The following IL17RA variants were observed in gnomAD, a reference collection of about 807,000 sequenced individuals.
IL17RA encodes the protein interleukin-17 receptor A.
In IL17RA, 34 loss-of-function variants were observed where a neutral mutation model predicts 50.4. The ratio of observed to expected loss-of-function variants is 0.67; its 90% confidence interval spans 0.51 to 0.90. The LOEUF (loss-of-function observed/expected upper bound fraction) is 0.90. Ranked by LOEUF, IL17RA falls within the 40% of genes least tolerant of loss-of-function variation. IL17RA has a pLI of 0.00. For missense variants in IL17RA, 1,276 were observed against 1,169.8 expected, an observed-to-expected ratio of 1.09 and a Z score of -1.32; for synonymous variants, 585 against 510.4, an observed-to-expected ratio of 1.15 and a Z score of -1.97.
At position 17,111,684 on chromosome 22, in the gene IL17RA, A is replaced by G. The variant is rs558585878; in HGVS notation, c.*1864A>G. Reference sequence around the variant, plus strand: ...ATTTCCAACCTCCAGTGAGGAGGAGAAGATTCGGAAATGTGACAGGAGAGC... The same window carrying G: ...ATTTCCAACCTCCAGTGAGGAGGAGGAGATTCGGAAATGTGACAGGAGAGC... On this transcript the variant is annotated 3_prime_UTR_variant, in exon 13 of 13. Transcript: ENST00000319363. 2.6e-5 allele frequency: 4 copies of G among 152,236 alleles called. No individual in the cohort carries two copies. Among genetic ancestry groups the G allele is most frequent in the African/African-American group, 9.6e-5 (4 of 41,538 alleles). 9.4% of individuals were successfully genotyped at this position (152,236 alleles called of 1,614,324 possible).
In IL17RA at chr22:17,104,728, C is replaced by G. The variant is rs769892740; in HGVS notation, c.849C>G (p.Ile283Met). 3 of 1,614,016 alleles carry G rather than the reference C, an allele frequency of 1.9e-6. No homozygotes were observed. In the Admixed American group the frequency reaches 5.0e-5, roughly 27 times the overall value. ...LKGCCRHQVQ[I>M]QPFFSSCLND... ...TTTCCTGCCCTCTCTGCCCGCAGAT[C>G]CAGCCCTTCTTCAGCAGCTGCCTCA... The change falls in exon 9 of 13, where the codon ATC becomes ATG. Residue 283 changes from isoleucine (I) to methionine (M), a missense_variant and splice_region_variant. Transcript: ENST00000319363.
chr22:17,091,449 G>T (rs1192231663), intron 1 of IL17RA, among the ~76,000 whole-genome samples: 1 of 152,144 alleles, frequency 6.6e-6, no homozygotes, highest in Non-Finnish European at 1.5e-5. Flanking sequence ...GGCCGAGGCG[G>T]GCGGATCACG....
At chr22:17,090,423 A>G (rs555053755) in intron 1 of IL17RA, among the ~76,000 whole-genome samples, 12 of 152,356 alleles carry the variant, frequency 7.9e-5, no homozygotes, top group Middle Eastern at 3.4e-3. Context: ...GCATTACATC[A>G]TAGATAAACT....
intron 6 of IL17RA, 37 bp from the exon 7 acceptor site, chr22:17,102,102 C>G: frequency 6.2e-7 from 1 of 1,614,122 alleles, no homozygotes; most frequent in Non-Finnish European, 8.5e-7. Context: ...TGTGCGTGCC[C>G]CTCCTCACTC....
rs754706285 is a variant in IL17RA, at chr22:17,105,966, G to A, written c.1045+12G>A. 1.6e-5 allele frequency: 26 copies of A among 1,608,742 alleles called. No individual in the cohort carries two copies. In the Admixed American group the frequency reaches 4.2e-4, roughly 26 times the overall value. On this transcript the variant is annotated intron_variant, in intron 11 of 12. Coordinates refer to ENST00000319363, the MANE Select transcript of IL17RA (RefSeq NM_014339.7). Reference sequence around the variant, plus strand: ...CTGGAGGCTAGCTGGTAAGCGCTGGGGCTCTGGCTGTCCTGGAGTCAGGCT... The same window carrying A: ...CTGGAGGCTAGCTGGTAAGCGCTGGAGCTCTGGCTGTCCTGGAGTCAGGCT...
chr22:17,085,915 C>G (rs1439844168), intron 1 of IL17RA, among the ~76,000 whole-genome samples: 1 of 152,206 alleles, frequency 6.6e-6, no homozygotes, highest in South Asian at 2.1e-4. Flanking sequence ...GCCACCTCCC[C>G]AGAGGCGCGA....
At chr22:17,093,455 G>A (rs953222499) in intron 1 of IL17RA, among the ~76,000 whole-genome samples, 2 of 152,142 alleles carry the variant, frequency 1.3e-5, no homozygotes, top group Non-Finnish European at 2.9e-5. Context: ...AGGGGCCCCT[G>A]GCCTCCTTAT....
intron 10 of IL17RA, 104 bp downstream of exon 10, chr22:17,105,706 A>T: frequency 7.3e-7 from 1 of 1,373,678 alleles, no homozygotes; most frequent in Non-Finnish European, 1.0e-6. Context: ...GGCTGAACCG[A>T]GGCCAGCCCG....
At chr22:17,097,208 C>T (rs568255309) in intron 2 of IL17RA, 122 bp downstream of exon 2, 558 of 916,438 alleles carry the variant, frequency 6.1e-4, no homozygotes, top group Non-Finnish European at 8.3e-4. Context: ...TACAGCCATC[C>T]GCAGGAGGGT....
At position 17,097,217 on chromosome 22, in the gene IL17RA, G is replaced by T. The variant is rs41506045; in HGVS notation, c.163+131G>T. 1,294 of 866,858 alleles carry T rather than the reference G, an allele frequency of 1.5e-3. 13 individuals carry two copies. In the African/African-American group the frequency reaches 0.019, roughly 13 times the overall value. 53.7% of individuals were successfully genotyped at this position (866,858 alleles called of 1,614,324 possible). On this transcript the variant is annotated intron_variant, in intron 2 of 12. Coordinates refer to ENST00000319363, the MANE Select transcript of IL17RA (RefSeq NM_014339.7). The stretch of plus-strand genomic sequence containing the variant: ...GTGAGCTACAGCCATCCGCAGGAGG[G>T]TTCCCGGAGAATTGTGGATGCGTGC...
chr22:17,105,698 C>G, intron 10 of IL17RA, 96 bp downstream of exon 10: 2 of 1,484,770 alleles, frequency 1.3e-6, no homozygotes, highest in South Asian at 2.3e-5. Context: ...GCAGACAAGG[C>G]TGAACCGAGG....
At position 17,109,854 on chromosome 22, in the gene IL17RA, T is replaced by C. The variant is rs1468488; in HGVS notation, c.*34T>C. Reference sequence around the variant, plus strand: ...CCCCAGGGACCGCCCAGATCCCAGCTTTGAGAGAGGAGTGTGTGTGCACGT... The same window carrying C: ...CCCCAGGGACCGCCCAGATCCCAGCCTTGAGAGAGGAGTGTGTGTGCACGT... On this transcript the variant is annotated 3_prime_UTR_variant, in exon 13 of 13. Transcript: ENST00000319363. 418,787 of 1,537,032 alleles carry C rather than the reference T, an allele frequency of 0.27. 59,599 individuals are homozygous for C. The highest frequency in any genetic ancestry group is 0.44 in the African/African-American group (32,051 of 72,944).
chr22:17,106,347 T>C (rs2061414783), intron 11 of IL17RA, among the ~76,000 whole-genome samples: 1 of 151,908 alleles, frequency 6.6e-6, no homozygotes, highest in Admixed American at 6.6e-5. Context: ...CAGCATCGGG[T>C]GATAGAGAAG....
chr22:17,092,597 C>T (rs1183135403), intron 1 of IL17RA, among the ~76,000 whole-genome samples: 7 of 152,062 alleles, frequency 4.6e-5, no homozygotes, highest in Admixed American at 3.9e-4. Context: ...CACCCCCCGC[C>T]AATATGTAGT....
At chr22:17,108,026 G>A (rs1202988103) in intron 12 of IL17RA, among the ~76,000 whole-genome samples, 1 of 152,250 alleles carries the variant, frequency 6.6e-6, no homozygotes, top group Non-Finnish European at 1.5e-5. Context: ...GACCAACAGA[G>A]CTTGGTGCCT....
At chr22:17,095,348 C>T (rs2061364906) in intron 1 of IL17RA, among the ~76,000 whole-genome samples, 1 of 152,190 alleles carries the variant, frequency 6.6e-6, no homozygotes. Context: ...TTCCATAGGG[C>T]ATACCAAACT....
rs139716919 is a variant in IL17RA at position 17,107,767 on chromosome 22, C to T, written c.1086C>T (p.Thr362=). 5.2e-4 allele frequency: 844 copies of T among 1,613,088 alleles called. No homozygotes were observed. Among genetic ancestry groups the T allele is most frequent in the Non-Finnish European group, 6.6e-4 (776 of 1,179,024 alleles). The stretch of plus-strand genomic sequence containing the variant: ...AATACAGTGATGACACCAAATACAC[C>T]GGTCAGTATTTCCTGGTTTGCATGT... ...SEKYSDDTKY[T]DGLPAADLIP... is the part of the protein sequence containing the mutation. Residue 362 remains threonine, a splice_region_variant and synonymous_variant, in exon 12 of 13, where the codon ACC becomes ACT. Transcript: ENST00000319363.
chr22:17,102,164 C>T lies in IL17RA; in HGVS notation c.624C>T (p.Thr208=), dbSNP rs200114306. ...GCAGCCTGTGGGACCCCAACATCAC[C>T]GTGGAGACCCTGGAGGCCCACCAGC... The part of the protein sequence containing the change: ...SSGSLWDPNI[T]VETLEAHQLR... The change falls in exon 7 of 13, where the codon ACC becomes ACT. Residue 208 remains threonine (T), a synonymous_variant. Coordinates refer to ENST00000319363, the MANE Select transcript of IL17RA (RefSeq NM_014339.7). 90 of 1,614,036 alleles carry T rather than the reference C, an allele frequency of 5.6e-5. No homozygotes were observed. Among genetic ancestry groups the T allele is most frequent in the South Asian group, 1.1e-4 (10 of 91,088 alleles).
At position 17,104,817 on chromosome 22, in the gene IL17RA, G is replaced by A. The variant is rs919985232; in HGVS notation, c.931+7G>A. On this transcript the variant is annotated splice_region_variant and intron_variant, in intron 9 of 12. Transcript: ENST00000319363. ...GAAATGCCAGACACTCCAGGTAGGG[G>A]ACATGCGGCTGTCCTAGGCCATACT... 7 of 1,613,648 alleles carry A rather than the reference G, an allele frequency of 4.3e-6. No homozygotes were observed. In the African/African-American group the frequency reaches 8.0e-5, roughly 18 times the overall value.
Sources: allele counts gnomAD v4.1 joint callset (sites outside exome capture counted in the v4.1 genomes callset), GRCh38; gene constraint gnomAD v4.1.1; transcripts MANE v1.5; gene names NCBI Gene and HGNC (gene_info 2026-07-23, HGNC 2026-07-21).